The following GRM7 variants were observed in gnomAD, a reference collection of about 807,000 sequenced individuals.
GRM7 encodes metabotropic glutamate receptor 7.
Under a neutral mutation model 84.5 loss-of-function variants are expected in GRM7, and 35 were observed. That is an observed-to-expected ratio of 0.41 (90% CI 0.32 to 0.55). GRM7 has a LOEUF of 0.55. GRM7 is among the 20% of genes least tolerant of loss of function. The pLI is 0.19. For synonymous variants in GRM7, 487 were observed against 455.1 expected, an observed-to-expected ratio of 1.07 and a Z score of -0.89; for missense variants, 1,003 against 1,194.6, an observed-to-expected ratio of 0.84 and a Z score of 2.36.
At chr3:7,576,630 G>T (rs145428441) in intron 7 of GRM7, among the ~76,000 whole-genome samples, 160 of 152,126 alleles carry the variant, frequency 1.1e-3, no homozygotes, top group African/African-American at 3.0e-3. Flanking sequence ...TTAAAATTAT[G>T]CACTTAAAAA....
chr3:7,454,805 GA>G (rs1158407243), intron 6 of GRM7, among the ~76,000 whole-genome samples: 1 of 152,074 alleles, frequency 6.6e-6, no homozygotes, highest in African/African-American at 2.4e-5. Context: ...GGTAAATATA[GA>G]AGTAAATTTT....
chr3:7,626,932 T>G lies in GRM7; in HGVS notation c.2451+47575T>G, dbSNP rs576526019. Among the ~76,000 whole-genome samples, 982 of 152,078 alleles carry G rather than the reference T, an allele frequency of 6.5e-3. 19 individuals are homozygous for G. Among genetic ancestry groups the G allele is most frequent in the African/African-American group, 0.022 (924 of 41,506 alleles). Reference sequence around the variant, plus strand: ...AGCCTACATGAGCACCTCTTTTTTTTTTTTTTTCATTTTCTAGAAACATTT... The same window carrying G: ...AGCCTACATGAGCACCTCTTTTTTTGTTTTTTTCATTTTCTAGAAACATTT... On this transcript the variant is annotated intron_variant, in intron 8 of 9. Transcript: ENST00000357716.
intron 1 of GRM7, among the ~76,000 whole-genome samples, chr3:6,996,073 A>G (rs2021525): frequency 0.98 from 149,605 of 152,166 alleles, 73,553 homozygotes; most frequent in Middle Eastern, 1. Flanking sequence ...TTTTGAGACA[A>G]AGTCTTGCTC....
At chr3:7,193,712 T>A (rs932789151) in intron 2 of GRM7, among the ~76,000 whole-genome samples, 1 of 151,952 alleles carries the variant, frequency 6.6e-6, no homozygotes, top group African/African-American at 2.4e-5. Context: ...TTCACTCACA[T>A]ACACATAGGA....
intron 2 of GRM7, among the ~76,000 whole-genome samples, chr3:7,291,515 T>TCTCTCTCTCTCCAG: frequency 2.9e-5 from 1 of 34,700 alleles, no homozygotes; most frequent in Non-Finnish European, 6.6e-5. Flanking sequence ...TCTCTCTCTC[T>TCTCTCTCTCTCCAG]CTCTCTCTCT....
chr3:7,649,139 G>A (rs1444528022), intron 8 of GRM7, among the ~76,000 whole-genome samples: 1 of 151,438 alleles, frequency 6.6e-6, no homozygotes, highest in Non-Finnish European at 1.5e-5. Flanking sequence ...GTGCGATCTC[G>A]GCTCACTGCT....
rs57749785 is a variant in GRM7, at chr3:7,407,584, GTATCCTAC to G, written c.1034-7432_1034-7425del. Among the ~76,000 whole-genome samples, 699 of 152,298 alleles carry G rather than the reference GTATCCTAC, an allele frequency of 4.6e-3. 4 individuals are homozygous for G. The highest frequency in any genetic ancestry group is 0.024 in the South Asian group (114 of 4,824). Reference sequence around the variant, plus strand: ...GAAAATTTTAAAAATCATCTGTAAGGTATCCTACTATCCTTAATTTATAGATGAGGAAA... The same window carrying G: ...GAAAATTTTAAAAATCATCTGTAAGGTATCCTTAATTTATAGATGAGGAAA... On this transcript the variant is annotated intron_variant, in intron 4 of 9. Transcript: ENST00000357716.
intron 8 of GRM7, among the ~76,000 whole-genome samples, chr3:7,629,081 G>GT (rs1483858131): frequency 1.3e-5 from 2 of 152,102 alleles, no homozygotes; most frequent in East Asian, 1.9e-4. Context: ...TGAAGGCTCT[G>GT]TAAAAAAAAG....
intron 2 of GRM7, among the ~76,000 whole-genome samples, chr3:7,238,014 C>A (rs1035864348): frequency 6.6e-6 from 1 of 152,190 alleles, no homozygotes; most frequent in Admixed American, 6.5e-5. Flanking sequence ...TTCTCCAAGT[C>A]TCCACCTGAC....
intron 4 of GRM7, among the ~76,000 whole-genome samples, chr3:7,408,150 T>G (rs1695762149): frequency 6.6e-6 from 1 of 152,178 alleles, no homozygotes; most frequent in Admixed American, 6.5e-5. Flanking sequence ...AGTTTCAGAG[T>G]CTGCTTTTAG....
intron 7 of GRM7, among the ~76,000 whole-genome samples, chr3:7,475,002 A>G (rs1698863627): frequency 6.6e-6 from 1 of 152,198 alleles, no homozygotes; most frequent in African/African-American, 2.4e-5. Context: ...TTTCTGGCCA[A>G]TAGGTGTGGA....
intron 2 of GRM7, among the ~76,000 whole-genome samples, chr3:7,264,917 G>T (rs1196496067): frequency 6.6e-6 from 1 of 152,174 alleles, no homozygotes; most frequent in East Asian, 1.9e-4. Context: ...GTCAATGAAA[G>T]TTGCATTACT....
intron 7 of GRM7, among the ~76,000 whole-genome samples, chr3:7,480,419 C>G (rs1193021842): frequency 6.6e-6 from 1 of 152,126 alleles, no homozygotes; most frequent in East Asian, 1.9e-4. Flanking sequence ...AAACTAGCCT[C>G]AAAGCAATTG....
intron 8 of GRM7, among the ~76,000 whole-genome samples, chr3:7,635,366 C>G (rs552983955): frequency 1.3e-5 from 2 of 152,188 alleles, no homozygotes; most frequent in Non-Finnish European, 2.9e-5. Flanking sequence ...GCAAGTAGAA[C>G]TTGAGGGATG....
intron 7 of GRM7, among the ~76,000 whole-genome samples, chr3:7,564,849 T>C (rs922938490): frequency 4.6e-5 from 7 of 152,136 alleles, no homozygotes; most frequent in African/African-American, 1.7e-4. Flanking sequence ...CCTGACTTCC[T>C]AACTCATACT....
intron 9 of GRM7, among the ~76,000 whole-genome samples, chr3:7,723,354 T>C (rs1425995195): frequency 6.6e-6 from 1 of 152,158 alleles, no homozygotes; most frequent in Non-Finnish European, 1.5e-5. Flanking sequence ...TCCAGCTAAG[T>C]GCTCACCTCT....
At chr3:6,874,462 C>T (rs1476282382) in intron 1 of GRM7, among the ~76,000 whole-genome samples, 1 of 152,182 alleles carries the variant, frequency 6.6e-6, no homozygotes, top group Non-Finnish European at 1.5e-5. Flanking sequence ...CCTTACTGAT[C>T]AACTGGTCAT....
intron 1 of GRM7, among the ~76,000 whole-genome samples, chr3:7,113,786 C>T (rs542292577): frequency 6.6e-6 from 1 of 152,224 alleles, no homozygotes; most frequent in South Asian, 2.1e-4. Flanking sequence ...CACCAGAATT[C>T]TGGTGCAAAC....
intron 4 of GRM7, among the ~76,000 whole-genome samples, chr3:7,361,285 C>T (rs761474283): frequency 6.6e-6 from 1 of 152,006 alleles, no homozygotes; most frequent in Non-Finnish European, 1.5e-5. Context: ...TCTGTAGTCA[C>T]CTCTACCCTA....
Sources: allele counts gnomAD v4.1 joint callset (sites outside exome capture counted in the v4.1 genomes callset), GRCh38; gene constraint gnomAD v4.1.1; transcripts MANE v1.5; gene names NCBI Gene and HGNC (gene_info 2026-07-23, HGNC 2026-07-21).